The following NRTN variants were observed in gnomAD, a reference collection of about 807,000 sequenced individuals.
The protein encoded by NRTN is prepro-neurturin.
Under a neutral mutation model 7.5 loss-of-function variants are expected in NRTN, and 3 were observed. The observed-to-expected ratio is 0.40, with a 90% CI of 0.18 to 1.03. The LOEUF (loss-of-function observed/expected upper bound fraction) is 1.03. Ranked by LOEUF, NRTN falls within the 50% of genes least tolerant of loss-of-function variation. The pLI, the probability that NRTN is intolerant of heterozygous loss-of-function variation, is 0.34. For synonymous variants in NRTN, 157 were observed against 146.6 expected (o/e 1.07, Z -0.51); for missense variants, 310 against 307.0 (o/e 1.01, Z -0.07).
rs2144753970 is a variant in NRTN at position 5,806,386 on chromosome 19, T to A, written c.-399+935T>A. Reference sequence around the variant, plus strand: ...GGGCCAGGGGCTTAAAGCAGGGGGGTGCAGGAGGCCGGACCCCTGACTTTC... The same window carrying A: ...GGGCCAGGGGCTTAAAGCAGGGGGGAGCAGGAGGCCGGACCCCTGACTTTC... On this transcript the variant is annotated intron_variant, in intron 1 of 2. Coordinates refer to ENST00000303212, the MANE Select transcript of NRTN (RefSeq NM_004558.5). The surrounding 1 kb of genome is among the most constrained non-coding windows in gnomAD (Gnocchi z 5.4). 6.6e-6 allele frequency among the ~76,000 whole-genome samples: 1 copy of A among 152,062 alleles called. No homozygotes were observed. The highest frequency in any genetic ancestry group is 1.9e-4 in the East Asian group (1 of 5,166).
Position 5,828,081 on chromosome 19 carries a change from A to G in NRTN, c.502A>G (p.Thr168Ala). 1 of 1,479,612 alleles carries G rather than the reference A, an allele frequency of 6.8e-7. No homozygotes were observed. Among genetic ancestry groups the G allele is most frequent in the Admixed American group, 2.3e-5 (1 of 42,656 alleles). 91.7% of individuals were successfully genotyped at this position (1,479,612 alleles called of 1,614,324 possible). A position where few individuals can be genotyped will look rare whatever the true frequency, so the allele number is the denominator to read the frequency against. ...GCGCGCGCAGCCCTGCTGCCGCCCG[A>G]CGGCCTACGAGGACGAGGTGTCCTT... ...RVRAQPCCRP[T>A]AYEDEVSFLD... Residue 168 changes from threonine to alanine, a missense_variant, in exon 3 of 3, where the codon ACG becomes GCG. Physicochemically the swap from Thr to Ala is moderately conservative, Grantham distance 58 (BLOSUM62 0). Coordinates refer to ENST00000303212, the MANE Select transcript of NRTN (RefSeq NM_004558.5).
chr19:5,817,747 G>T (rs1200698253), intron 1 of NRTN, among the ~76,000 whole-genome samples: 1 of 152,156 alleles, frequency 6.6e-6, no homozygotes, highest in Admixed American at 6.5e-5. Context: ...CCCAGGATGT[G>T]TGTGTAACCC....
intron 1 of NRTN, among the ~76,000 whole-genome samples, chr19:5,815,434 T>G (rs1036506029): frequency 6.6e-6 from 1 of 150,516 alleles, no homozygotes; most frequent in Non-Finnish European, 1.5e-5. Context: ...GTGATTTTTT[T>G]TTTTTTTTTT....
chr19:5,810,289 T>A (rs2056986237), intron 1 of NRTN, among the ~76,000 whole-genome samples: 1 of 151,526 alleles, frequency 6.6e-6, no homozygotes, highest in Non-Finnish European at 1.5e-5. Flanking sequence ...AAAAAATTTT[T>A]TTTTGTAAAG....
intron 1 of NRTN, among the ~76,000 whole-genome samples, chr19:5,808,475 C>T (rs1241027559): frequency 6.6e-6 from 1 of 152,188 alleles, no homozygotes; most frequent in Non-Finnish European, 1.5e-5. Context: ...AATGGTGGGT[C>T]TAAGAAGCTG....
At position 5,828,002 on chromosome 19, in the gene NRTN, C is replaced by G; in HGVS notation, c.423C>G (p.Tyr141Ter). 6.9e-7 allele frequency: 1 copy of G among 1,447,572 alleles called. No homozygotes were observed. The allele number at this position is 1,447,572 out of a possible 1,614,324, so 89.7% of individuals were successfully genotyped here. Residue 141 changes from tyrosine (Y) to a stop codon, truncating the protein, a stop_gained, in exon 3 of 3, where the codon TAC becomes TAG. Transcript: ENST00000303212. LOFTEE classifies it low-confidence loss of function (END_TRUNC). ...AGACEAAARV[Y>*]DLGLRRLRQR... ...CCTGCGAGGCTGCCGCGCGCGTCTA[C>G]GACCTCGGGCTGCGACGACTGCGCC...
At chr19:5,805,710 G>A (rs1476725588) in intron 1 of NRTN, among the ~76,000 whole-genome samples, 2 of 152,006 alleles carry the variant, frequency 1.3e-5, no homozygotes, top group African/African-American at 4.8e-5. Context: ...CCGACGGGGC[G>A]GGCGCACTCC....
intron 1 of NRTN, among the ~76,000 whole-genome samples, chr19:5,822,885 T>C (rs959259638): frequency 6.6e-6 from 1 of 151,988 alleles, no homozygotes; most frequent in Admixed American, 6.6e-5. Context: ...CCAGGCACGG[T>C]GGCTCATGCC....
At chr19:5,813,930 C>T (rs1366757116) in intron 1 of NRTN, among the ~76,000 whole-genome samples, 1 of 152,016 alleles carries the variant, frequency 6.6e-6, no homozygotes, top group Non-Finnish European at 1.5e-5. Flanking sequence ...ATGGCTTGAA[C>T]CTGAGAAGCA....
chr19:5,820,735 C>CAAAAAAAAAAAAAAAAAAAAAAA (rs1332878144), intron 1 of NRTN, among the ~76,000 whole-genome samples: 2 of 62,134 alleles, frequency 3.2e-5, no homozygotes, highest in South Asian at 6.2e-4. Flanking sequence ...AACTCTGTCT[C>CAAAAAAAAAAAAAAAAAAAAAAA]AAGAAAAAAA....
intron 1 of NRTN, among the ~76,000 whole-genome samples, chr19:5,823,139 G>A (rs937898729): frequency 9.3e-5 from 14 of 150,072 alleles, no homozygotes; most frequent in Non-Finnish European, 2.1e-4. Context: ...AGAGGAGGCT[G>A]GGTGCGGTGG....
At chr19:5,823,379 T>C (rs2057033140) in intron 1 of NRTN, among the ~76,000 whole-genome samples, 1 of 151,978 alleles carries the variant, frequency 6.6e-6, no homozygotes, top group Non-Finnish European at 1.5e-5. Context: ...ATTGCGCCAC[T>C]GCACTCCAGC....
At chr19:5,817,463 AAGAG>A (rs59447241) in intron 1 of NRTN, among the ~76,000 whole-genome samples, 8 of 117,416 alleles carry the variant, frequency 6.8e-5, no homozygotes, top group East Asian at 2.3e-4. Context: ...GAAAGAGAGA[AAGAG>A]AGGAAGGAAG....
chr19:5,807,573 G>A (rs1013991022), intron 1 of NRTN, among the ~76,000 whole-genome samples: 1 of 152,162 alleles, frequency 6.6e-6, no homozygotes, highest in Non-Finnish European at 1.5e-5. Context: ...AGGGTGTCTC[G>A]GAGATGATGA....
chr19:5,827,721 C>A, intron 2 of NRTN, 28 bp from the exon 3 acceptor site: 4 of 1,149,246 alleles, frequency 3.5e-6, no homozygotes, highest in South Asian at 4.1e-5. Flanking sequence ...CCACTGACCC[C>A]CCCTCCTTTC....
At chr19:5,819,448 G>A (rs1331437369) in intron 1 of NRTN, among the ~76,000 whole-genome samples, 2 of 152,104 alleles carry the variant, frequency 1.3e-5, no homozygotes, top group Admixed American at 1.3e-4. Context: ...GATCACCTGA[G>A]GTCAGGAGTT....
At chr19:5,815,258 G>T (rs539383529) in intron 1 of NRTN, among the ~76,000 whole-genome samples, 7 of 152,294 alleles carry the variant, frequency 4.6e-5, no homozygotes, top group Non-Finnish European at 1.0e-4. Context: ...TACCACGTGT[G>T]AGTGGGGAAA....
intron 1 of NRTN, among the ~76,000 whole-genome samples, chr19:5,809,313 G>T (rs2056983168): frequency 1.3e-5 from 2 of 151,836 alleles, no homozygotes; most frequent in African/African-American, 4.8e-5. Context: ...TGGGACTACA[G>T]GTACATGCCA....
intron 1 of NRTN, among the ~76,000 whole-genome samples, chr19:5,818,721 T>G (rs1380378191): frequency 2.0e-5 from 3 of 152,040 alleles, no homozygotes; most frequent in African/African-American, 7.2e-5. Context: ...GAACACGCAT[T>G]GTGCACACCC....
Sources: allele counts gnomAD v4.1 joint callset (sites outside exome capture counted in the v4.1 genomes callset), GRCh38; gene constraint gnomAD v4.1.1; non-coding constraint Gnocchi (gnomAD v3.1); transcripts MANE v1.5; gene names NCBI Gene and HGNC (gene_info 2026-07-23, HGNC 2026-07-21).